Variants in PTGES3L observed in about 807,000 individuals in gnomAD.
PTGES3L encodes the protein putative protein PTGES3L.
Under a neutral mutation model 25.0 loss-of-function variants are expected in PTGES3L, and 17 were observed. That is an observed-to-expected ratio of 0.68 (90% confidence interval 0.47 to 1.02). The LOEUF (loss-of-function observed/expected upper bound fraction) is 1.02, where lower values mean the gene tolerates loss of function less well. Among genes scored for constraint, PTGES3L ranks in the 50% least tolerant of loss-of-function variants. PTGES3L has a pLI of 0.00. For synonymous variants in PTGES3L, 59 were observed against 65.7 expected (o/e 0.90, Z 0.50); for missense variants, 202 against 197.5 (o/e 1.02, Z -0.14).
intron 4 of PTGES3L, chr17:42,972,298 CCTCTCT>C (rs36210868): frequency 0.93 from 124,866 of 134,158 alleles, 58,941 homozygotes; most frequent in South Asian, 1. Context: ...GGCATTATGC[CCTCTCT>C]CTCTCCCTCT....
At chr17:42,972,520 C>G (rs1272424535) in intron 4 of PTGES3L, among the ~76,000 whole-genome samples, 1 of 152,174 alleles carries the variant, frequency 6.6e-6, no homozygotes, top group African/African-American at 2.4e-5. Context: ...GACGGGGTTT[C>G]GCTGTGTTGG....
chr17:42,977,019 G>C (rs911391651), intron 4 of PTGES3L, among the ~76,000 whole-genome samples: 21 of 152,282 alleles, frequency 1.4e-4, no homozygotes, highest in African/African-American at 4.6e-4. Context: ...GGCTAGGTGT[G>C]GTGGCTCATG....
chr17:42,973,002 T>C (rs2049876578), intron 4 of PTGES3L, among the ~76,000 whole-genome samples: 3 of 146,926 alleles, frequency 2.0e-5, no homozygotes, highest in Admixed American at 6.7e-5. Flanking sequence ...GGAGCGCCTC[T>C]GCCCGGCCGC....
At chr17:42,972,937 C>T (rs2049874767) in intron 4 of PTGES3L, among the ~76,000 whole-genome samples, 1 of 150,060 alleles carries the variant, frequency 6.7e-6, no homozygotes, top group Non-Finnish European at 1.5e-5. Context: ...GCCCGGCCAC[C>T]CATCGTCTGA....
chr17:42,973,013 G>A (rs1252477515), intron 4 of PTGES3L, among the ~76,000 whole-genome samples: 3 of 118,518 alleles, frequency 2.5e-5, no homozygotes, highest in East Asian at 2.8e-4. Flanking sequence ...GCCCGGCCGC[G>A]ACCCCGTCTG....
At chr17:42,978,774 G>C (rs1237041046) in intron 4 of PTGES3L, among the ~76,000 whole-genome samples, 1 of 152,194 alleles carries the variant, frequency 6.6e-6, no homozygotes, top group Admixed American at 6.5e-5. Flanking sequence ...GCCGAGGCGG[G>C]CAGATCACCT....
chr17:42,972,558 G>C (rs899117928), intron 4 of PTGES3L, among the ~76,000 whole-genome samples: 4 of 152,270 alleles, frequency 2.6e-5, no homozygotes, highest in African/African-American at 2.4e-5. Context: ...CCCTAACCGC[G>C]AGTGATCCGC....
At chr17:42,973,191 G>A (rs1272236416) in intron 4 of PTGES3L, among the ~76,000 whole-genome samples, 2 of 70,232 alleles carry the variant, frequency 2.8e-5, no homozygotes, top group Non-Finnish European at 6.0e-5. Context: ...GGAGGGAGGT[G>A]GGGGGGGGTC....
rs546393894 is a variant in PTGES3L at position 42,971,543 on chromosome 17, CAT to C, written c.378+62_378+63del. ...GGCCCCAGTGACAATCCTCCAGAGA[CAT>C]GTGTGCAGAGAAACACAAAGAATGA... On this transcript the variant is annotated intron_variant, in intron 5 of 6. Transcript: ENST00000591916. 7.2e-5 allele frequency: 114 copies of C among 1,578,996 alleles called. 2 individuals carry two copies. In the African/African-American group the frequency reaches 9.7e-4, roughly 13 times the overall value.
chr17:42,969,058 G>T lies in PTGES3L; in HGVS notation c.*90C>A. 2.1e-6 allele frequency: 2 copies of T among 971,340 alleles called. No individual in the cohort carries two copies. The highest frequency in any genetic ancestry group is 3.2e-6 in the Non-Finnish European group (2 of 627,026). The allele number at this position is 971,340 out of a possible 1,614,324, so 60.2% of individuals were successfully genotyped here. A position where few individuals can be genotyped will look rare whatever the true frequency, so the allele number is the denominator to read the frequency against. Reference sequence around the variant, plus strand: ...AGATCTCAGAAGAACTTGGTGCACAGCCAAAGCGCTGACAAAGGCCTAGGC... The same window carrying T: ...AGATCTCAGAAGAACTTGGTGCACATCCAAAGCGCTGACAAAGGCCTAGGC... On this transcript the variant is annotated 3_prime_UTR_variant, in exon 7 of 7. Transcript: ENST00000591916.
Position 42,968,873 on chromosome 17 carries a change from G to T in PTGES3L, c.*275C>A, listed in dbSNP as rs2049778752. ...ACACACATACTCAAATAATCAAGTG[G>T]CCTAAACACAGAGATTAGAAACCAA... On this transcript the variant is annotated 3_prime_UTR_variant, in exon 7 of 7. Transcript: ENST00000591916. 2.4e-6 allele frequency: 1 copy of T among 419,424 alleles called. No homozygotes were observed. Among genetic ancestry groups the T allele is most frequent in the East Asian group, 3.5e-5 (1 of 28,706 alleles). 26.0% of individuals were successfully genotyped at this position (419,424 alleles called of 1,614,324 possible).
chr17:42,980,018 G>A (rs1284710078), intron 1 of PTGES3L, 28 bp downstream of exon 1: 3 of 1,544,674 alleles, frequency 1.9e-6, no homozygotes, highest in Admixed American at 2.0e-5. Context: ...AAAGGGCCAG[G>A]GGGAGCACCG....
At chr17:42,979,739 G>A in intron 1 of PTGES3L, 76 bp from the exon 2 acceptor site, 1 of 1,541,604 alleles carries the variant, frequency 6.5e-7, no homozygotes, top group East Asian at 2.4e-5. Context: ...GGACTACCCA[G>A]GGACCTTTGA....
chr17:42,969,204 A>AGGGGG lies in PTGES3L; in HGVS notation c.433-19_433-18insCCCCC, dbSNP rs767299828. ...GAATCATCCTGGGGGCGGGGGGGAA[A>AGGGGG]AAAGACAAAGCACCTGTAGACCCTG... is the stretch of plus-strand genomic sequence containing the variant. On this transcript the variant is annotated intron_variant, in intron 6 of 6. Coordinates refer to ENST00000591916, the MANE Select transcript of PTGES3L (RefSeq NM_001261430.2). 8 of 1,359,314 alleles carry AGGGGG rather than the reference A, an allele frequency of 5.9e-6. No individual in the cohort carries two copies. In the African/African-American group the frequency reaches 1.3e-4, roughly 22 times the overall value. 84.2% of individuals were successfully genotyped at this position (1,359,314 alleles called of 1,614,324 possible). A position where few individuals can be genotyped will look rare whatever the true frequency, so the allele number is the denominator to read the frequency against.
At chr17:42,971,284 C>CCACA (rs56818030) in intron 5 of PTGES3L, among the ~76,000 whole-genome samples, 111,902 of 149,474 alleles carry the variant, frequency 0.75, 45,742 homozygotes, top group East Asian at 0.99. Context: ...CGACAGAAAA[C>CCACA]CACACACACA....
In PTGES3L at chr17:42,971,587, C is replaced by T. The variant is rs1399716469; in HGVS notation, c.378+20G>A. 5.6e-6 allele frequency: 9 copies of T among 1,612,982 alleles called. No homozygotes were observed. Among genetic ancestry groups the T allele is most frequent in the African/African-American group, 2.7e-5 (2 of 75,022 alleles). On this transcript the variant is annotated intron_variant, in intron 5 of 6. Transcript: ENST00000591916. ...AAAGAATGATCAAGTGGGCAGAACA[C>T]AGTAGGTGTTGTCTCTCACCTCTGC...
chr17:42,979,129 G>C (rs1597746247), intron 4 of PTGES3L, 41 bp downstream of exon 4: 1 of 1,608,298 alleles, frequency 6.2e-7, no homozygotes, highest in East Asian at 2.2e-5. Flanking sequence ...TGTAACCTGG[G>C]TACATGGAGA....
In PTGES3L at chr17:42,979,167, C is replaced by T. The variant is rs752595499; in HGVS notation, c.288+3G>A. On this transcript the variant is annotated splice_donor_region_variant and intron_variant, in intron 4 of 6. Transcript: ENST00000591916. ...AGAAGCAGGCCACTTTCCACACACC[C>T]ACCTTGATATCCTCCTTGGTAAGCC... 1.2e-6 allele frequency: 2 copies of T among 1,614,156 alleles called. No homozygotes were observed. Among genetic ancestry groups the T allele is most frequent in the Non-Finnish European group, 8.5e-7 (1 of 1,180,014 alleles).
Position 42,968,813 on chromosome 17 carries a change from CT to C in PTGES3L, c.*334del, listed in dbSNP as rs1334773556. ...CACACATAGTAGAGATTTCTATAAT[CT>C]GCATTCTTCTTTGGCTTTTGTTTTG... On this transcript the variant is annotated 3_prime_UTR_variant, in exon 7 of 7. Transcript: ENST00000591916. 3.8e-6 allele frequency: 1 copy of C among 262,374 alleles called. No individual in the cohort carries two copies. The highest frequency in any genetic ancestry group is 5.1e-5 in the Admixed American group (1 of 19,780). The allele number at this position is 262,374 out of a possible 1,614,324, so 16.3% of individuals were successfully genotyped here.
Sources: gnomAD v4.1 joint callset for allele counts (sites outside exome capture counted in the v4.1 genomes callset) on GRCh38, gnomAD v4.1.1 for gene constraint, MANE v1.5 for transcripts, NCBI Gene and HGNC (gene_info 2026-07-23, HGNC 2026-07-21) for gene names.